The following DLG2 variants were observed in gnomAD, a reference collection of about 807,000 sequenced individuals.
DLG2 encodes the protein disks large homolog 2.
DLG2 carries 45 observed loss-of-function variants against 132.5 expected under a neutral mutation model. The ratio of observed to expected loss-of-function variants is 0.34; its 90% CI spans 0.27 to 0.44. The LOEUF (loss-of-function observed/expected upper bound fraction) is 0.44. DLG2 is among the 20% of genes least tolerant of loss of function. The pLI is 1.00. For synonymous variants in DLG2, 424 were observed against 419.6 expected (o/e 1.01, Z -0.13); for missense variants, 1,045 against 1,196.9 (o/e 0.87, Z 1.87).
At chr11:85,473,857 G>A (rs1216972067) in intron 3 of DLG2, among the ~76,000 whole-genome samples, 1 of 151,498 alleles carries the variant, frequency 6.6e-6, no homozygotes, top group African/African-American at 2.4e-5. Flanking sequence ...AAGGAAGAAA[G>A]AATAAAGAAA....
At chr11:85,270,350 T>C (rs1192540867) in intron 4 of DLG2, among the ~76,000 whole-genome samples, 2 of 152,314 alleles carry the variant, frequency 1.3e-5, no homozygotes, top group South Asian at 2.1e-4. Flanking sequence ...CTTTCCACCA[T>C]GATTGTGATG....
intron 5 of DLG2, among the ~76,000 whole-genome samples, chr11:85,120,059 A>C (rs562858432): frequency 6.6e-6 from 1 of 152,214 alleles, no homozygotes; most frequent in African/African-American, 2.4e-5. Flanking sequence ...GTGTTTTCTG[A>C]AAAGTACACA....
intron 6 of DLG2, among the ~76,000 whole-genome samples, chr11:85,027,328 A>G (rs1037915704): frequency 6.6e-6 from 1 of 151,828 alleles, no homozygotes; most frequent in African/African-American, 2.4e-5. Context: ...GGGTTATTCG[A>G]TTTTTTTTGT....
At chr11:84,220,682 C>T (rs901630478) in intron 8 of DLG2, among the ~76,000 whole-genome samples, 5 of 151,298 alleles carry the variant, frequency 3.3e-5, no homozygotes, top group Non-Finnish European at 7.4e-5. Flanking sequence ...TTACAGCTAC[C>T]AAATGAGTTT....
chr11:83,857,378 T>C (rs970867410), intron 16 of DLG2, among the ~76,000 whole-genome samples: 3 of 152,218 alleles, frequency 2.0e-5, no homozygotes, highest in African/African-American at 7.2e-5. Context: ...TTAACAGGAA[T>C]AGCACTGAAT....
intron 3 of DLG2, among the ~76,000 whole-genome samples, chr11:85,482,545 A>C (rs1166379806): frequency 6.6e-6 from 1 of 152,180 alleles, no homozygotes; most frequent in Non-Finnish European, 1.5e-5. Flanking sequence ...CCCAAGACCC[A>C]GGCTAGGCTT....
intron 6 of DLG2, among the ~76,000 whole-genome samples, chr11:84,884,770 T>C (rs1382073390): frequency 5.3e-5 from 8 of 152,078 alleles, no homozygotes; most frequent in Non-Finnish European, 1.0e-4. Context: ...CTTTCCACAA[T>C]TTCAGTTACT....
At chr11:84,197,138 C>A (rs1208761100) in intron 8 of DLG2, among the ~76,000 whole-genome samples, 2 of 149,614 alleles carry the variant, frequency 1.3e-5, no homozygotes, top group Non-Finnish European at 3.0e-5. Context: ...AGGCTTTGAA[C>A]CATATGTTGA....
chr11:84,062,312 TA>T (rs1354799124), intron 10 of DLG2, among the ~76,000 whole-genome samples: 1 of 152,158 alleles, frequency 6.6e-6, no homozygotes, highest in East Asian at 1.9e-4. Flanking sequence ...TGAACTTCAG[TA>T]TCCCATAAAA....
chr11:84,994,813 C>A (rs2057473325), intron 6 of DLG2, among the ~76,000 whole-genome samples: 1 of 152,118 alleles, frequency 6.6e-6, no homozygotes, highest in Non-Finnish European at 1.5e-5. Context: ...GAAGAAACAA[C>A]CAGCCTTGTG....
chr11:83,975,548 T>A (rs2092072467), intron 12 of DLG2, among the ~76,000 whole-genome samples: 1 of 152,052 alleles, frequency 6.6e-6, no homozygotes, highest in South Asian at 2.1e-4. Flanking sequence ...AGTAATTGTT[T>A]CTTTAAGTAG....
chr11:84,712,816 T>C (rs1303764946), intron 6 of DLG2, among the ~76,000 whole-genome samples: 1 of 152,120 alleles, frequency 6.6e-6, no homozygotes, highest in Admixed American at 6.6e-5. Context: ...TCAGTTTCTC[T>C]TTTCTCACCT....
chr11:84,236,113 G>A (rs76886788), intron 8 of DLG2, among the ~76,000 whole-genome samples: 138 of 149,516 alleles, frequency 9.2e-4, no homozygotes, highest in Middle Eastern at 3.5e-3. Context: ...TCACAAAAGA[G>A]AGAGTTAGTT....
intron 14 of DLG2, among the ~76,000 whole-genome samples, chr11:83,960,896 ATTTAC>A (rs1053570715): frequency 1.6e-4 from 25 of 151,958 alleles, no homozygotes; most frequent in African/African-American, 5.8e-4. Flanking sequence ...AACTAACATA[ATTTAC>A]TTTAACAGTT....
At chr11:85,133,929 T>C (rs910565395) in intron 5 of DLG2, among the ~76,000 whole-genome samples, 3 of 152,084 alleles carry the variant, frequency 2.0e-5, no homozygotes, top group Non-Finnish European at 2.9e-5. Flanking sequence ...AATATACTTT[T>C]TTTTCCCATC....
At chr11:84,777,297 A>G (rs1203829356) in intron 6 of DLG2, among the ~76,000 whole-genome samples, 1,570 of 117,098 alleles carry the variant, frequency 0.013, 42 homozygotes, top group Middle Eastern at 0.021. Context: ...ATATATATAT[A>G]TATATATATA....
chr11:85,035,921 T>A (rs2061399218), intron 6 of DLG2, among the ~76,000 whole-genome samples: 1 of 152,232 alleles, frequency 6.6e-6, no homozygotes, highest in African/African-American at 2.4e-5. Flanking sequence ...CAGTTAACTA[T>A]CTTAAAGCAG....
intron 7 of DLG2, among the ~76,000 whole-genome samples, chr11:84,379,688 T>C (rs1470255534): frequency 1.3e-5 from 2 of 152,066 alleles, no homozygotes; most frequent in Non-Finnish European, 2.9e-5. Context: ...TCCCTCTTCA[T>C]CTGAGTATAA....
intron 7 of DLG2, among the ~76,000 whole-genome samples, chr11:84,398,928 T>C (rs2098820040): frequency 6.6e-6 from 1 of 152,336 alleles, no homozygotes; most frequent in East Asian, 1.9e-4. Flanking sequence ...AATTTTCTAT[T>C]TGGGCTTCGA....
Sources: allele counts gnomAD v4.1 joint callset (sites outside exome capture counted in the v4.1 genomes callset), GRCh38; gene constraint gnomAD v4.1.1; transcripts MANE v1.5; gene names NCBI Gene and HGNC (gene_info 2026-07-23, HGNC 2026-07-21).